SLC44A5: variants seen among roughly 807,000 people sequenced by gnomAD.
SLC44A5 encodes the protein solute carrier family 44 member 5.
A neutral mutation model predicts 101.8 loss-of-function variants in SLC44A5; 57 were observed. The observed-to-expected ratio is 0.56, with a 90% CI of 0.45 to 0.70. SLC44A5 has a LOEUF of 0.70. Among genes scored for constraint, SLC44A5 ranks in the 30% least tolerant of loss-of-function variants. SLC44A5 has a pLI of 0.00. For synonymous variants in SLC44A5, 281 were observed against 290.9 expected, an observed-to-expected ratio of 0.97 and a Z score of 0.35; for missense variants, 737 against 853.1, an observed-to-expected ratio of 0.86 and a Z score of 1.70.
chr1:75,713,605 T>C, the SLC44A5 span, among the ~76,000 whole-genome samples: 3 of 152,226 alleles, frequency 2.0e-5, no homozygotes, highest in African/African-American at 7.2e-5. Context: ...TCTTTGGTGC[T>C]ACTTTGCAAT....
At chr1:75,612,898 AT>A (rs1675716546), upstream of SLC44A5, among the ~76,000 whole-genome samples, 2 of 152,262 alleles carry the variant, frequency 1.3e-5, no homozygotes, top group African/African-American at 4.8e-5. Context: ...GAACTATAGC[AT>A]TTTTTCGTTA....
chr1:75,214,060 T>A, intron 20 of SLC44A5, 71 bp from the exon 21 acceptor site: 1 of 958,070 alleles, frequency 1.0e-6, no homozygotes, highest in Non-Finnish European at 1.6e-6. Context: ...TTTATGGCAG[T>A]AAATTTTCAT....
At chr1:75,243,351 G>A (rs906878326) in intron 7 of SLC44A5, among the ~76,000 whole-genome samples, 2 of 151,760 alleles carry the variant, frequency 1.3e-5, no homozygotes, top group Non-Finnish European at 2.9e-5. Context: ...TTCCCAGGCT[G>A]GTCTCAAACT....
At chr1:75,327,085 ATT>A (rs35527065) in intron 4 of SLC44A5, among the ~76,000 whole-genome samples, 50,106 of 148,648 alleles carry the variant, frequency 0.34, 9,397 homozygotes, top group East Asian at 0.82. Context: ...TCTAAGCTTT[ATT>A]TTTTTTTTTT....
chr1:75,654,359 G>A, the SLC44A5 span, among the ~76,000 whole-genome samples: 2 of 152,150 alleles, frequency 1.3e-5, no homozygotes, highest in Non-Finnish European at 2.9e-5. Flanking sequence ...TCAGAAGAAA[G>A]CACATTCTAA....
chr1:75,497,062 A>C (rs1319650744), intron 2 of SLC44A5, among the ~76,000 whole-genome samples: 2 of 152,162 alleles, frequency 1.3e-5, no homozygotes, highest in Non-Finnish European at 2.9e-5. Context: ...CATTATGGAA[A>C]ACAGTATGGA....
intron 7 of SLC44A5, among the ~76,000 whole-genome samples, chr1:75,246,321 A>G (rs1484938760): frequency 6.6e-6 from 1 of 152,094 alleles, no homozygotes; most frequent in Non-Finnish European, 1.5e-5. Flanking sequence ...ATTTTGTTTT[A>G]TCATAGGAAT....
chr1:75,290,600 C>A (rs1303528586), intron 5 of SLC44A5, among the ~76,000 whole-genome samples: 2 of 152,060 alleles, frequency 1.3e-5, no homozygotes, highest in East Asian at 3.9e-4. Context: ...GCAAGAGAGT[C>A]AAAGGAAGAA....
the SLC44A5 span, among the ~76,000 whole-genome samples, chr1:75,660,650 C>T: frequency 6.6e-6 from 1 of 152,062 alleles, no homozygotes; most frequent in South Asian, 2.1e-4. Context: ...AAACAACATA[C>T]AAAAATCAGT....
chr1:75,483,590 A>T (rs1183956260), intron 2 of SLC44A5, among the ~76,000 whole-genome samples: 1 of 152,118 alleles, frequency 6.6e-6, no homozygotes, highest in African/African-American at 2.4e-5. Flanking sequence ...AGAAAATAAG[A>T]AATTATTCTT....
intron 2 of SLC44A5, among the ~76,000 whole-genome samples, chr1:75,444,185 C>T (rs918591840): frequency 2.0e-5 from 3 of 151,436 alleles, no homozygotes; most frequent in African/African-American, 4.9e-5. Context: ...GGCATGGTGA[C>T]GCATAGCTGT....
intron 3 of SLC44A5, among the ~76,000 whole-genome samples, chr1:75,345,426 A>C (rs1286943682): frequency 6.6e-6 from 1 of 152,112 alleles, no homozygotes; most frequent in Non-Finnish European, 1.5e-5. Context: ...GAGGGAAAAA[A>C]AGTTGGGAAA....
At chr1:75,597,660 T>A (rs925992982) in intron 1 of SLC44A5, among the ~76,000 whole-genome samples, 5 of 152,190 alleles carry the variant, frequency 3.3e-5, no homozygotes, top group African/African-American at 9.7e-5. Context: ...TACAACTGTC[T>A]GATCTTCAGC....
At chr1:75,232,646 G>A (rs558697663) in intron 12 of SLC44A5, among the ~76,000 whole-genome samples, 1 of 152,158 alleles carries the variant, frequency 6.6e-6, no homozygotes, top group Admixed American at 6.6e-5. Context: ...TAATGAGGAG[G>A]GTAATAACAA....
the SLC44A5 span, among the ~76,000 whole-genome samples, chr1:75,722,374 A>G: frequency 3.9e-5 from 6 of 152,238 alleles, no homozygotes; most frequent in Non-Finnish European, 7.3e-5. Context: ...TGGAGGCCGA[A>G]ACAATGAGGT....
At chr1:75,297,293 A>T (rs1654040110) in intron 5 of SLC44A5, among the ~76,000 whole-genome samples, 1 of 152,176 alleles carries the variant, frequency 6.6e-6, no homozygotes, top group African/African-American at 2.4e-5. Context: ...TTATTTACTT[A>T]TTTATTTTTG....
intron 2 of SLC44A5, among the ~76,000 whole-genome samples, chr1:75,459,883 C>T (rs1484561385): frequency 6.6e-6 from 1 of 152,120 alleles, no homozygotes; most frequent in Non-Finnish European, 1.5e-5. Flanking sequence ...AACTCCTGGG[C>T]TCAAGAAATC....
chr1:75,463,555 T>C (rs1666635894), intron 2 of SLC44A5, among the ~76,000 whole-genome samples: 1 of 151,628 alleles, frequency 6.6e-6, no homozygotes, highest in African/African-American at 2.4e-5. Context: ...GTGCATGATA[T>C]ATTTAAAGCA....
chr1:75,630,594 C>CTATTATTATTAT, the SLC44A5 span, among the ~76,000 whole-genome samples: 4 of 151,176 alleles, frequency 2.6e-5, no homozygotes, highest in Non-Finnish European at 5.9e-5. Flanking sequence ...CCTTTTTTCA[C>CTATTATTATTAT]TATTATTATT....
Sources: allele counts gnomAD v4.1 joint callset (sites outside exome capture counted in the v4.1 genomes callset), GRCh38; gene constraint gnomAD v4.1.1; transcripts MANE v1.5; gene names NCBI Gene and HGNC (gene_info 2026-07-23, HGNC 2026-07-21).